LAMA1: variants seen among roughly 807,000 people sequenced by gnomAD.
LAMA1 encodes laminin subunit alpha-1.
Under a neutral mutation model 348.7 loss-of-function variants are expected in LAMA1, and 219 were observed. The observed-to-expected ratio is 0.63, with a 90% CI of 0.56 to 0.70. The LOEUF (loss-of-function observed/expected upper bound fraction) is 0.70, where lower values mean the gene tolerates loss of function less well. Ranked by LOEUF, LAMA1 falls within the 30% of genes least tolerant of loss-of-function variation. LAMA1 has a pLI of 0.00. For missense variants in LAMA1, 3,744 were observed against 3,888.0 expected (o/e 0.96, Z 0.99); for synonymous variants, 1,487 against 1,491.0 (o/e 1.00, Z 0.06).
chr18:7,053,422 T>C (rs1213880242), intron 3 of LAMA1, among the ~76,000 whole-genome samples: 2 of 152,162 alleles, frequency 1.3e-5, no homozygotes, highest in Non-Finnish European at 2.9e-5. Context: ...TGGGAGCAAC[T>C]GGAGGGAAGG....
At chr18:6,945,319 G>A (rs1394348860) in intron 61 of LAMA1, among the ~76,000 whole-genome samples, 1 of 152,120 alleles carries the variant, frequency 6.6e-6, no homozygotes, top group Non-Finnish European at 1.5e-5. Flanking sequence ...CATCAAGTTA[G>A]TTCTGGTTTG....
chr18:6,958,431 G>A, intron 55 of LAMA1, 46 bp downstream of exon 55: 1 of 1,591,304 alleles, frequency 6.3e-7, no homozygotes, highest in Non-Finnish European at 8.6e-7. Context: ...CACTCACCAT[G>A]AAAGGTCAGA....
intron 1 of LAMA1, among the ~76,000 whole-genome samples, chr18:7,093,340 C>T (rs541807145): frequency 2.0e-4 from 30 of 152,070 alleles, no homozygotes; most frequent in African/African-American, 5.5e-4. Context: ...GGCATGAACC[C>T]GGGAGGTGGA....
chr18:7,027,290 A>T (rs937455517), intron 16 of LAMA1, among the ~76,000 whole-genome samples: 6 of 152,212 alleles, frequency 3.9e-5, no homozygotes, highest in African/African-American at 1.4e-4. Flanking sequence ...ACACACCAAA[A>T]TGGCCATTGT....
chr18:7,051,091 G>A (rs532186949), intron 3 of LAMA1, among the ~76,000 whole-genome samples, 155 bp from the exon 4 acceptor site: 7 of 152,176 alleles, frequency 4.6e-5, no homozygotes, highest in African/African-American at 7.2e-5. Context: ...TGCGAGGAGA[G>A]GGGAATAGGG....
Position 7,080,343 on chromosome 18 carries a change from C to G in LAMA1, c.176G>C (p.Arg59Pro), listed in dbSNP as rs375547281. The change falls in exon 2 of 63, where the codon CGG becomes CCG. Residue 59 changes from arginine to proline, a missense_variant. Around this residue, in one of 3 missense-constraint regions of LAMA1, gnomAD observed 1,529 missense variants for 1,689.4 expected, o/e 0.91. Coordinates refer to ENST00000389658, the MANE Select transcript of LAMA1 (RefSeq NM_005559.4). ...FCKLVEHVPG[R>P]PVRNPQCRIC... ...CCGGCACTGTGGGTTTCGGACGGGC[C>G]GACCTGGCACATGCTCCACAAGTTT... is the stretch of plus-strand genomic sequence containing the variant. The G allele has an allele frequency of 8.1e-6, 13 of 1,614,244 alleles. No homozygotes were observed. Among genetic ancestry groups the G allele is most frequent in the Non-Finnish European group, 9.3e-6 (11 of 1,180,044 alleles).
chr18:6,993,203 T>C (rs1286771745), intron 35 of LAMA1, among the ~76,000 whole-genome samples: 3 of 152,138 alleles, frequency 2.0e-5, no homozygotes, highest in Admixed American at 6.5e-5. Flanking sequence ...AGAAGAGCGA[T>C]CATATGTTTC....
intron 1 of LAMA1, among the ~76,000 whole-genome samples, chr18:7,089,510 C>T (rs1404882076): frequency 6.6e-6 from 1 of 152,200 alleles, no homozygotes; most frequent in African/African-American, 2.4e-5. Flanking sequence ...AGCCAGGAGG[C>T]CCATGACCTC....
chr18:6,943,215 T>C lies in LAMA1; in HGVS notation c.9032A>G (p.Asp3011Gly). The C allele has an allele frequency of 2.5e-6, 4 of 1,614,178 alleles. No individual in the cohort carries two copies. The highest frequency in any genetic ancestry group is 3.4e-6 in the Non-Finnish European group (4 of 1,180,036). Residue 3011 changes from aspartate (D) to glycine (G), a missense_variant, in exon 62 of 63, where the codon GAC becomes GGC. Asp to Gly is a moderately conservative substitution (Grantham distance 94). Around this residue, in one of 3 missense-constraint regions of LAMA1, gnomAD observed 232 missense variants for 264.4 expected, o/e 0.88. Coordinates refer to ENST00000389658, the MANE Select transcript of LAMA1 (RefSeq NM_005559.4). ...ESPHTQSTSVDTNNPIYVGGY... is the reference protein window; with the variant it reads ...ESPHTQSTSVGTNNPIYVGGY... ...ACCAACATAAATGGGATTGTTGGTG[T>C]CCACTGAGGTAGACTGGGTGTGTGG...
At chr18:7,066,136 T>C (rs184043908) in intron 3 of LAMA1, among the ~76,000 whole-genome samples, 2 of 152,336 alleles carry the variant, frequency 1.3e-5, no homozygotes, top group African/African-American at 4.8e-5. Context: ...TAATTTCCTA[T>C]AGCCTAGAGA....
chr18:7,009,276 T>G lies in LAMA1; in HGVS notation c.3964A>C (p.Ile1322Leu). The G allele has an allele frequency of 1.9e-6, 3 of 1,614,120 alleles. No homozygotes were observed. Among genetic ancestry groups the G allele is most frequent in the Non-Finnish European group, 2.5e-6 (3 of 1,179,990 alleles). Residue 1322 changes from isoleucine (I) to leucine (L), a missense_variant, in exon 27 of 63, where the codon ATC (isoleucine) becomes CTC (leucine). By Grantham distance (5) the Ile-to-Leu change is conservative (BLOSUM62 2). Around this residue, in one of 3 missense-constraint regions of LAMA1, gnomAD observed 1,983 missense variants for 1,934.3 expected, o/e 1.03. Coordinates refer to ENST00000389658, the MANE Select transcript of LAMA1 (RefSeq NM_005559.4). ...SVLSDIEYIL[I>L]KASYGQGLQQ... ...AATCCTTGACCATACGATGCCTTGATGAGGATGTACTCAATATCGCTGAGG... is the reference window on the plus strand; with the variant it reads ...AATCCTTGACCATACGATGCCTTGAGGAGGATGTACTCAATATCGCTGAGG...
Position 7,094,831 on chromosome 18 carries a change from A to G in LAMA1, c.62-14374T>C, listed in dbSNP as rs115764511. On this transcript the variant is annotated intron_variant, in intron 1 of 62. Transcript: ENST00000389658. Reference sequence around the variant, plus strand: ...CCACACAGGCAGTGCCCAGAACTATAAATTTCTCAGTTTTATTCAAAAAGA... The same window carrying G: ...CCACACAGGCAGTGCCCAGAACTATGAATTTCTCAGTTTTATTCAAAAAGA... 1.6e-3 allele frequency among the ~76,000 whole-genome samples: 250 copies of G among 152,360 alleles called. 1 individual carries two copies. The highest frequency in any genetic ancestry group is 5.7e-3 in the African/African-American group (238 of 41,580).
chr18:6,944,094 C>A (rs941312779), intron 61 of LAMA1, among the ~76,000 whole-genome samples: 1 of 152,096 alleles, frequency 6.6e-6, no homozygotes, highest in Non-Finnish European at 1.5e-5. Context: ...TGGCTTACTG[C>A]AAACTCCACC....
chr18:7,096,990 A>G (rs2058264003), intron 1 of LAMA1, among the ~76,000 whole-genome samples: 1 of 152,226 alleles, frequency 6.6e-6, no homozygotes, highest in Non-Finnish European at 1.5e-5. Context: ...GAAAGCCAGC[A>G]GCTCCACTGA....
At chr18:7,008,401 A>AT (rs2057842931) in intron 28 of LAMA1, 87 bp downstream of exon 28, 1 of 1,484,230 alleles carries the variant, frequency 6.7e-7, no homozygotes, top group East Asian at 2.3e-5. Context: ...GTAGATACAC[A>AT]TAAGTTCTGT....
chr18:6,955,844 C>T (rs894687264), intron 56 of LAMA1: 14 of 359,166 alleles, frequency 3.9e-5, no homozygotes, highest in Middle Eastern at 9.9e-4. Flanking sequence ...AGACGAGCTG[C>T]GGACCAGGCA....
chr18:7,104,757 C>T (rs908386047), intron 1 of LAMA1, among the ~76,000 whole-genome samples: 1 of 152,236 alleles, frequency 6.6e-6, no homozygotes, highest in African/African-American at 2.4e-5. Context: ...CTTCCAATGT[C>T]AACAGCTTTC....
chr18:6,959,271 A>C, intron 54 of LAMA1, 70 bp downstream of exon 54: 1 of 1,607,994 alleles, frequency 6.2e-7, no homozygotes, highest in South Asian at 1.1e-5. Flanking sequence ...GCACCACCGC[A>C]AGGTTCCTCC....
At chr18:7,027,659 TA>T (rs1262196017) in intron 16 of LAMA1, among the ~76,000 whole-genome samples, 5 of 152,132 alleles carry the variant, frequency 3.3e-5, no homozygotes, top group African/African-American at 1.2e-4. Flanking sequence ...AACACTGTTA[TA>T]GGCCAGGCGC....
Sources: gnomAD v4.1 joint callset for allele counts (sites outside exome capture counted in the v4.1 genomes callset) on GRCh38, gnomAD v4.1.1 for gene constraint, gnomAD v4.1.1 regional missense constraint, MANE v1.5 for transcripts, NCBI Gene and HGNC (gene_info 2026-07-23, HGNC 2026-07-21) for gene names.